Variants in OXNAD1 observed in about 807,000 individuals in gnomAD.
OXNAD1 encodes the protein oxidoreductase NAD-binding domain-containing protein 1.
Under a neutral mutation model 32.9 loss-of-function variants are expected in OXNAD1, and 34 were observed. The ratio of observed to expected loss-of-function variants is 1.03; its 90% CI spans 0.79 to 1.38. The LOEUF is 1.38. Among genes scored for constraint, OXNAD1 ranks in the 40% most tolerant of loss-of-function variants. The pLI is 0.00. For missense variants in OXNAD1, 407 were observed against 379.4 expected, an observed-to-expected ratio of 1.07 and a Z score of -0.60; for synonymous variants, 134 against 135.2, an observed-to-expected ratio of 0.99 and a Z score of 0.06.
intron 9 of OXNAD1, among the ~76,000 whole-genome samples, chr3:16,347,391 AT>A (rs1485867863): frequency 1.3e-5 from 2 of 152,238 alleles, no homozygotes; most frequent in African/African-American, 4.8e-5. Flanking sequence ...CAAAATCAGT[AT>A]CACTGGGTCA....
intron 9 of OXNAD1, among the ~76,000 whole-genome samples, chr3:16,315,409 C>T (rs1037505806): frequency 6.6e-6 from 1 of 152,198 alleles, no homozygotes; most frequent in African/African-American, 2.4e-5. Flanking sequence ...AGCCACCATG[C>T]CTGGCCTACA....
At position 16,316,425 on chromosome 3, in the gene OXNAD1, G is replaced by A. The variant is rs1407217983; in HGVS notation, c.*30+12833G>A. On this transcript the variant is annotated intron_variant, in intron 9 of 9. Transcript: ENST00000435829. The surrounding 1 kb of genome is among the most constrained non-coding windows in gnomAD (Gnocchi z 4.5). The stretch of plus-strand genomic sequence containing the variant: ...GGGGATGGACACTGCCCCACACGAT[G>A]TGGGATGAACAGCAGCCTTGGTTTG... The A allele has an allele frequency of 7.8e-6, 2 of 257,116 alleles. No individual in the cohort carries two copies. The highest frequency in any genetic ancestry group is 1.5e-5 in the Non-Finnish European group (2 of 132,586). The allele number at this position is 257,116 out of a possible 1,614,324, so 15.9% of individuals were successfully genotyped here.
downstream of OXNAD1, among the ~76,000 whole-genome samples, chr3:16,350,976 G>C (rs1348385140): frequency 4.6e-5 from 7 of 152,214 alleles, no homozygotes; most frequent in Non-Finnish European, 1.0e-4. Flanking sequence ...TTCTTAAAGA[G>C]ATGGTTGGGA....
chr3:16,322,479 C>A lies in OXNAD1; in HGVS notation c.*31-14633C>A, dbSNP rs1444806784. Among the ~76,000 whole-genome samples the A allele has an allele frequency of 3.3e-5, 5 of 152,336 alleles. No individual in the cohort carries two copies. In the East Asian group the frequency reaches 9.7e-4, roughly 29 times the overall value. ...GGAGTGAGGAGCCGAGCAGGTCAGG[C>A]AGGCCCTGCCGAGAATGTGGCCTCA... On this transcript the variant is annotated intron_variant, in intron 9 of 9. Coordinates refer to the OXNAD1 transcript ENST00000435829. The surrounding 1 kb of genome is among the most constrained non-coding windows in gnomAD (Gnocchi z 6.2).
chr3:16,316,165 A>G lies in OXNAD1; in HGVS notation c.*30+12573A>G, dbSNP rs552004309. ...CTTTAAAAACAACTTTTTGGCATTA[A>G]TACTAACACAGAATACTTCCTTGAA... On this transcript the variant is annotated intron_variant, in intron 9 of 9. Transcript: ENST00000435829. The surrounding 1 kb of genome is among the most constrained non-coding windows in gnomAD (Gnocchi z 4.5). 1.3e-5 allele frequency: 2 copies of G among 153,462 alleles called. No individual in the cohort carries two copies. Among genetic ancestry groups the G allele is most frequent in the Admixed American group, 6.5e-5 (1 of 15,324 alleles). The allele number at this position is 153,462 out of a possible 1,614,324, so 9.5% of individuals were successfully genotyped here.
Position 16,294,935 on chromosome 3 carries a change from A to T in OXNAD1, c.370A>T (p.Arg124Ter). ...CAGTCCCAGACTGCTAGAACAAGAG[A>T]GAGTGATAGAATTGGCAGTGAAATA... The part of the protein sequence containing the change: ...CSSPRLLEQE[R>*]VIELAVKYTN... The change falls in exon 6 of 9, where the codon AGA (arginine) becomes TGA (stop). Residue 124 changes from arginine to a stop codon, truncating the protein, a stop_gained. Coordinates refer to ENST00000285083, the MANE Select transcript of OXNAD1 (RefSeq NM_138381.5). LOFTEE classifies it high-confidence loss of function. The T allele has an allele frequency of 6.2e-7, 1 of 1,613,476 alleles. No individual in the cohort carries two copies. Among genetic ancestry groups the T allele is most frequent in the South Asian group, 1.1e-5 (1 of 91,000 alleles).
intron 4 of OXNAD1, among the ~76,000 whole-genome samples, chr3:16,281,300 AGTTT>A (rs1173605698): frequency 1.3e-5 from 2 of 152,324 alleles, no homozygotes; most frequent in African/African-American, 4.8e-5. Context: ...AATTTTGTCC[AGTTT>A]GTTAGGATAA....
At chr3:16,311,197 T>G (rs919933242) in intron 9 of OXNAD1, among the ~76,000 whole-genome samples, 1 of 32,110 alleles carries the variant, frequency 3.1e-5, no homozygotes, top group East Asian at 8.8e-4. Flanking sequence ...TATTATATAT[T>G]TTATATATTT....
chr3:16,341,531 G>A (rs1014016502), downstream of OXNAD1, among the ~76,000 whole-genome samples: 20 of 152,268 alleles, frequency 1.3e-4, no homozygotes, highest in African/African-American at 4.8e-4. The surrounding 1 kb of genome is among the most constrained non-coding windows in gnomAD (Gnocchi z 4.7). Context: ...AGTGAAAGAA[G>A]CCAACTGGAA....
At chr3:16,319,888 A>G (rs972464656) in intron 9 of OXNAD1, among the ~76,000 whole-genome samples, 7 of 152,184 alleles carry the variant, frequency 4.6e-5, no homozygotes, top group Admixed American at 3.9e-4. Context: ...AGCCTGGGGA[A>G]TGGACTCCAG....
intron 5 of OXNAD1, 44 bp from the exon 6 acceptor site, chr3:16,294,812 T>C: frequency 6.4e-7 from 1 of 1,567,810 alleles, no homozygotes; most frequent in South Asian, 1.2e-5. Context: ...TACCAATTTT[T>C]AAAATTGCTT....
rs765619275 is a variant in OXNAD1, at chr3:16,345,788, C to CTGTCTGTGTGTGTGTGTGTGTGTG, written c.*31-3385_*31-3384insCTGTGTGTGTGTGTGTGTGTGTGT. Among the ~76,000 whole-genome samples the CTGTCTGTGTGTGTGTGTGTGTGTG allele has an allele frequency of 2.4e-5, 3 of 127,170 alleles. No individual in the cohort carries two copies. Among genetic ancestry groups the CTGTCTGTGTGTGTGTGTGTGTGTG allele is most frequent in the Non-Finnish European group, 3.4e-5 (2 of 58,642 alleles). The allele number at this position is 127,170 out of a possible 152,430, so 83.4% of individuals were successfully genotyped here. On this transcript the variant is annotated intron_variant, in intron 9 of 9. Transcript: ENST00000606098. The surrounding 1 kb of genome is among the most constrained non-coding windows in gnomAD (Gnocchi z 5.2). Reference sequence around the variant, plus strand: ...TGAGCCAAAACCTTATAATAAATCTCTGTGTGTGTGTGTGTGTGTGTGTGT... The same window carrying CTGTCTGTGTGTGTGTGTGTGTGTG: ...TGAGCCAAAACCTTATAATAAATCTCTGTCTGTGTGTGTGTGTGTGTGTGTGTGTGTGTGTGTGTGTGTGTGTGT...
At chr3:16,339,510 G>C (rs891742042), downstream of OXNAD1, 8 of 152,216 alleles carry the variant, frequency 5.3e-5, no homozygotes, top group Non-Finnish European at 1.2e-4. Context: ...TGCTCTACCA[G>C]AGACAAATCC....
In OXNAD1 at chr3:16,330,264, C is replaced by G. The variant is rs367592620; in HGVS notation, c.*31-6848C>G. ...TGTTGCACTCTGCCAGACTCTCCCA[C>G]TCCGACTATTTGGAATGGTCTTGGC... On this transcript the variant is annotated intron_variant, in intron 9 of 9. Coordinates refer to the OXNAD1 transcript ENST00000435829. Among the ~76,000 whole-genome samples the G allele has an allele frequency of 7.2e-5, 11 of 152,334 alleles. No individual in the cohort carries two copies. The South Asian group carries it at 2.3e-3, about 32-fold the overall frequency.
chr3:16,328,626 C>T (rs147888076), intron 9 of OXNAD1, among the ~76,000 whole-genome samples: 5 of 152,292 alleles, frequency 3.3e-5, no homozygotes, highest in African/African-American at 4.8e-5. Context: ...TGGCCCGAGC[C>T]GGCAGCATCA....
intron 2 of OXNAD1, among the ~76,000 whole-genome samples, chr3:16,270,210 C>G (rs544842713): frequency 6.6e-6 from 1 of 152,352 alleles, no homozygotes; most frequent in African/African-American, 2.4e-5. Context: ...AAATTGCTAA[C>G]TTGATTTCTG....
chr3:16,348,990 G>C lies in OXNAD1; in HGVS notation c.*31-186G>C, dbSNP rs557859368. Among the ~76,000 whole-genome samples the C allele has an allele frequency of 2.6e-5, 4 of 152,170 alleles. No individual in the cohort carries two copies. The South Asian group carries it at 6.2e-4, about 24-fold the overall frequency. Reference sequence around the variant, plus strand: ...AAAGAGGGACAGACAGCCATCCCAGGCTCCACTATCCAAGGACAGGGTCAA... The same window carrying C: ...AAAGAGGGACAGACAGCCATCCCAGCCTCCACTATCCAAGGACAGGGTCAA... On this transcript the variant is annotated intron_variant, in intron 9 of 9. Coordinates refer to the OXNAD1 transcript ENST00000606098. The surrounding 1 kb of genome is among the most constrained non-coding windows in gnomAD (Gnocchi z 6.3).
rs2066177849 is a variant in OXNAD1 at position 16,287,896 on chromosome 3, G to C, written c.290+1448G>C. Reference sequence around the variant, plus strand: ...AATGAATGGATTTGGCCATTTCACTGAATTTAGGCCTGGTTTTCGTATGTG... The same window carrying C: ...AATGAATGGATTTGGCCATTTCACTCAATTTAGGCCTGGTTTTCGTATGTG... On this transcript the variant is annotated intron_variant, in intron 5 of 8. Coordinates refer to ENST00000285083, the MANE Select transcript of OXNAD1 (RefSeq NM_138381.5). This position sits in a 1 kb window ranked among gnomAD's most constrained non-coding sequence, Gnocchi z 4.8. Among the ~76,000 whole-genome samples, 1 of 152,194 alleles carries C rather than the reference G, an allele frequency of 6.6e-6. No individual in the cohort carries two copies. Among genetic ancestry groups the C allele is most frequent in the Non-Finnish European group, 1.5e-5 (1 of 68,032 alleles).
chr3:16,347,614 C>T (rs1363147262), intron 9 of OXNAD1: 1 of 152,248 alleles, frequency 6.6e-6, no homozygotes, highest in Non-Finnish European at 1.5e-5. Context: ...GCATACCCAC[C>T]TCTGTGTGCA....
Sources: gnomAD v4.1 joint callset for allele counts (sites outside exome capture counted in the v4.1 genomes callset) on GRCh38, gnomAD v4.1.1 for gene constraint, Gnocchi (gnomAD v3.1) non-coding constraint, MANE v1.5 for transcripts, NCBI Gene and HGNC (gene_info 2026-07-23, HGNC 2026-07-21) for gene names.